COIL: variants seen among roughly 807,000 people sequenced by gnomAD.
The protein encoded by COIL is coilin p80.
Under a neutral mutation model 51.6 loss-of-function variants are expected in COIL, and 28 were observed. The ratio of observed to expected loss-of-function variants is 0.54; its 90% confidence interval spans 0.40 to 0.74. The LOEUF (loss-of-function observed/expected upper bound fraction) is 0.74, where lower values mean the gene tolerates loss of function less well. COIL is among the 30% of genes least tolerant of loss of function. The pLI is 0.00. For synonymous variants in COIL, 233 were observed against 255.8 expected (o/e 0.91, Z 0.85); for missense variants, 667 against 685.9 (o/e 0.97, Z 0.31).
chr17:56,958,316 T>C (rs1910519445), intron 1 of COIL, among the ~76,000 whole-genome samples: 1 of 152,216 alleles, frequency 6.6e-6, no homozygotes, highest in Admixed American at 6.5e-5. Context: ...TCCAACAATA[T>C]TGGGTACTTT....
intron 1 of COIL, among the ~76,000 whole-genome samples, chr17:56,956,169 T>C (rs1208132402): frequency 2.0e-5 from 3 of 152,150 alleles, no homozygotes; most frequent in Non-Finnish European, 4.4e-5. Context: ...ATAAAAGTAG[T>C]AGGAAACTTT....
chr17:56,952,396 T>C, intron 1 of COIL: 1 of 415,378 alleles, frequency 2.4e-6, no homozygotes, highest in South Asian at 1.9e-5. Context: ...CCTGGGATTC[T>C]TTTTATAACG....
intron 4 of COIL, among the ~76,000 whole-genome samples, chr17:56,948,584 C>CA (rs1567852288): frequency 6.6e-6 from 1 of 150,496 alleles, no homozygotes; most frequent in Non-Finnish European, 1.5e-5. Flanking sequence ...TATAGTACAT[C>CA]AAAAAAAAGA....
intron 6 of COIL, among the ~76,000 whole-genome samples, chr17:56,939,419 C>A (rs1375796914): frequency 6.6e-6 from 1 of 151,778 alleles, no homozygotes; most frequent in African/African-American, 2.4e-5. Context: ...CCTAGTGAGA[C>A]CCCATCTCTA....
chr17:56,960,724 GCGTCCCC>G (rs1306755698), intron 1 of COIL, 44 bp downstream of exon 1: 1 of 1,366,938 alleles, frequency 7.3e-7, no homozygotes, highest in African/African-American at 1.5e-5. Flanking sequence ...GTGCGCAGGC[GCGTCCCC>G]CGCCCGCCGC....
intron 1 of COIL, among the ~76,000 whole-genome samples, chr17:56,952,732 A>C (rs2144401319): frequency 6.6e-6 from 1 of 152,106 alleles, no homozygotes. Context: ...GGACTTCTCA[A>C]TCTCCACAAT....
chr17:56,946,881 C>A (rs1910258697), intron 4 of COIL, among the ~76,000 whole-genome samples: 1 of 152,144 alleles, frequency 6.6e-6, no homozygotes, highest in Non-Finnish European at 1.5e-5. Context: ...GAGCACTGAC[C>A]ATCACAGCAT....
At chr17:56,952,659 T>A (rs1910395411) in intron 1 of COIL, among the ~76,000 whole-genome samples, 1 of 152,148 alleles carries the variant, frequency 6.6e-6, no homozygotes, top group Non-Finnish European at 1.5e-5. Flanking sequence ...GCCTTCAAAC[T>A]CGAACTTGAA....
chr17:56,954,441 G>A (rs1421448726), intron 1 of COIL, among the ~76,000 whole-genome samples: 1 of 151,966 alleles, frequency 6.6e-6, no homozygotes, highest in Non-Finnish European at 1.5e-5. Flanking sequence ...TGCGCCTGTA[G>A]TCCCAGCTAC....
chr17:56,954,285 C>T lies in COIL; in HGVS notation c.246-3289G>A, dbSNP rs1349929590. Among the ~76,000 whole-genome samples the T allele has an allele frequency of 3.9e-5, 6 of 152,134 alleles. No homozygotes were observed. The East Asian group carries it at 9.7e-4, about 24-fold the overall frequency. ...TTCTTAAGACCATGCATTGGCCGGG[C>T]GCGGTGGCTCATGCCTGTAATAATC... On this transcript the variant is annotated intron_variant, in intron 1 of 6. Coordinates refer to ENST00000240316, the MANE Select transcript of COIL (RefSeq NM_004645.3).
chr17:56,950,796 T>C lies in COIL; in HGVS notation c.446A>G (p.Glu149Gly). The change falls in exon 2 of 7, where the codon GAA (glutamate) becomes GGA (glycine). Residue 149 changes from glutamate (E) to glycine (G), a missense_variant. By Grantham distance (98) the Glu-to-Gly change is moderately conservative (BLOSUM62 -2). Coordinates refer to ENST00000240316, the MANE Select transcript of COIL (RefSeq NM_004645.3). ...AGTCTGATCTGTGACAGCTTTTGGT[T>C]CCAGATCCAAGACCTTCTCATTATT... ...NNNNEKVLDLEPKAVTDQTVS... is the reference protein window; with the variant it reads ...NNNNEKVLDLGPKAVTDQTVS... 1 of 1,614,088 alleles carries C rather than the reference T, an allele frequency of 6.2e-7. No homozygotes were observed.
In COIL at chr17:56,954,338, A is replaced by T. The variant is rs370617399; in HGVS notation, c.246-3342T>A. 5.9e-5 allele frequency among the ~76,000 whole-genome samples: 9 copies of T among 152,186 alleles called. No homozygotes were observed. The East Asian group carries it at 1.5e-3, about 26-fold the overall frequency. ...AGCACTTTGGGAGGCTGAGGTGGGC[A>T]GATCACAAGGTCAAGAGATCGAGAC... is the stretch of plus-strand genomic sequence containing the variant. On this transcript the variant is annotated intron_variant, in intron 1 of 6. Coordinates refer to ENST00000240316, the MANE Select transcript of COIL (RefSeq NM_004645.3).
rs749303581 is a variant in COIL, at chr17:56,961,014, T to A, written c.6A>T (p.Ala2=). The A allele has an allele frequency of 6.2e-7, 1 of 1,612,696 alleles. No homozygotes were observed. Among genetic ancestry groups the A allele is most frequent in the Non-Finnish European group, 8.5e-7 (1 of 1,179,304 alleles). The change falls in exon 1 of 7, where the codon GCA becomes GCT. Residue 2 remains alanine (A), a synonymous_variant. Transcript: ENST00000240316. ...GCCGTAGCCTAACCGTCTCGGAAGC[T>A]GCCATCTTGCTTGGTGCTCAACGGA... M[A]ASETVRLRLQ...
intron 1 of COIL, among the ~76,000 whole-genome samples, chr17:56,960,238 T>C (rs753229974): frequency 1.0e-4 from 14 of 133,954 alleles, no homozygotes; most frequent in Non-Finnish European, 1.9e-4. Context: ...ATAAAAATAA[T>C]AGGGGCAGGA....
rs762485796 is a variant in COIL, at chr17:56,939,068, TACTC to T, written c.1730_*2del. 9 of 1,523,642 alleles carry T rather than the reference TACTC, an allele frequency of 5.9e-6. No homozygotes were observed. The South Asian group carries it at 1.0e-4, about 17-fold the overall frequency. The allele number at this position is 1,523,642 out of a possible 1,614,324, so 94.4% of individuals were successfully genotyped here. On this transcript the variant is annotated stop_lost and 3_prime_UTR_variant, in exon 7 of 7. Transcript: ENST00000240316. Reference sequence around the variant, plus strand: ...CATAAACTATAAGGTGGAGAGGTCATACTCAGGCAGGTTCTGTACTTGATGTGTT... The same window carrying T: ...CATAAACTATAAGGTGGAGAGGTCATAGGCAGGTTCTGTACTTGATGTGTT...
In COIL at chr17:56,942,031, C is replaced by T; in HGVS notation, c.1647+4G>A. On this transcript the variant is annotated splice_donor_region_variant and intron_variant, in intron 6 of 6. Coordinates refer to ENST00000240316, the MANE Select transcript of COIL (RefSeq NM_004645.3). ...AAGCAACGCAAGAAGAGAAGCACACCTACCTTGCTCTCCTGTGTCACAGCG... is the reference window on the plus strand; with the variant it reads ...AAGCAACGCAAGAAGAGAAGCACACTTACCTTGCTCTCCTGTGTCACAGCG... 2 of 1,611,612 alleles carry T rather than the reference C, an allele frequency of 1.2e-6. No homozygotes were observed. The highest frequency in any genetic ancestry group is 1.7e-6 in the Non-Finnish European group (2 of 1,177,716).
intron 5 of COIL, among the ~76,000 whole-genome samples, chr17:56,945,083 A>G (rs1424902614): frequency 6.6e-6 from 1 of 152,152 alleles, no homozygotes; most frequent in Non-Finnish European, 1.5e-5. Context: ...TCACACCTGT[A>G]GTCTCAGCAC....
Position 56,949,894 on chromosome 17 carries a change from T to A in COIL, c.1348A>T (p.Ile450Phe), listed in dbSNP as rs543048263. 13 of 1,613,566 alleles carry A rather than the reference T, an allele frequency of 8.1e-6. No homozygotes were observed. The South Asian group carries it at 1.1e-4, about 14-fold the overall frequency. The change falls in exon 2 of 7, where the codon ATC becomes TTC. Residue 450 changes from isoleucine (I) to phenylalanine (F), a missense_variant. Transcript: ENST00000240316. ...NDVVKNSSTI[I>F]QNPVETPKKD... Reference sequence around the variant, plus strand: ...TTACAAAAAATAATACTTACCTGGATAATAGTAGATGAATTTTTTACCACG... The same window carrying A: ...TTACAAAAAATAATACTTACCTGGAAAATAGTAGATGAATTTTTTACCACG...
At chr17:56,949,045 G>A (rs1257554564) in intron 4 of COIL, among the ~76,000 whole-genome samples, 1 of 152,086 alleles carries the variant, frequency 6.6e-6, no homozygotes, top group Non-Finnish European at 1.5e-5. Flanking sequence ...AAGCCAAGAT[G>A]GGGGGATTGC....
Sources: gnomAD v4.1 joint callset for allele counts (sites outside exome capture counted in the v4.1 genomes callset) on GRCh38, gnomAD v4.1.1 for gene constraint, MANE v1.5 for transcripts, NCBI Gene and HGNC (gene_info 2026-07-23, HGNC 2026-07-21) for gene names.